Variants in CPM observed in about 807,000 individuals in gnomAD.
CPM encodes renal carboxypeptidase.
CPM carries 35 observed loss-of-function variants against 46.4 expected under a neutral mutation model. The observed-to-expected ratio is 0.75, with a 90% CI of 0.58 to 1.00. CPM has a LOEUF of 1.00. Ranked by LOEUF, CPM falls within the 50% of genes least tolerant of loss-of-function variation. The pLI, the probability that CPM is intolerant of heterozygous loss-of-function variation, is 0.00. For missense variants in CPM, 422 were observed against 530.4 expected, an observed-to-expected ratio of 0.80 and a Z score of 2.01; for synonymous variants, 195 against 195.3, an observed-to-expected ratio of 1.00 and a Z score of 0.01.
chr12:68,933,876 C>CAGG (rs949738115), upstream of CPM, among the ~76,000 whole-genome samples: 38 of 152,342 alleles, frequency 2.5e-4, no homozygotes, highest in African/African-American at 8.9e-4. Context: ...TCGAAGAAGG[C>CAGG]AGGACCACTG....
intron 2 of CPM, among the ~76,000 whole-genome samples, chr12:68,909,790 A>G (rs1887506133): frequency 1.4e-5 from 2 of 143,272 alleles, no homozygotes; most frequent in South Asian, 2.4e-4. Context: ...AACAACGAGA[A>G]CACATGGACA....
chr12:68,857,239 C>A (rs924717846), intron 8 of CPM, among the ~76,000 whole-genome samples: 1 of 151,318 alleles, frequency 6.6e-6, no homozygotes, highest in Admixed American at 6.6e-5. Flanking sequence ...TGGCTCATTG[C>A]AACCTCCGCC....
At position 68,908,945 on chromosome 12, in the gene CPM, C is replaced by T. The variant is rs574548916; in HGVS notation, c.161-23056G>A. On this transcript the variant is annotated intron_variant, in intron 2 of 8. Transcript: ENST00000551568. ...AATAGAAATGACCAATAGAGTTTAA[C>T]AGAAGTTCCACAGGGGCAGGGGTTT... Among the ~76,000 whole-genome samples the T allele has an allele frequency of 5.3e-5, 8 of 152,274 alleles. No individual in the cohort carries two copies. In the East Asian group the frequency reaches 1.3e-3, roughly 26 times the overall value.
intron 2 of CPM, among the ~76,000 whole-genome samples, chr12:68,888,414 C>T (rs867849434): frequency 2.0e-5 from 3 of 152,144 alleles, no homozygotes; most frequent in Non-Finnish European, 4.4e-5. Flanking sequence ...CCTTGAACAA[C>T]CTCAGTGACA....
At position 68,871,925 on chromosome 12, in the gene CPM, A is replaced by G. The variant is rs149301581; in HGVS notation, c.290T>C (p.Ile97Thr). Reference sequence around the variant, plus strand: ...GCCATCACTGGTTACGAGATAGTCAATCAGATGGAGCAGCAGCTCCCGCCC... The same window carrying G: ...GCCATCACTGGTTACGAGATAGTCAGTCAGATGGAGCAGCAGCTCCCGCCC... ...TVGRELLLHL[I>T]DYLVTSDGKD... The change falls in exon 4 of 9, where the codon ATT becomes ACT. Residue 97 changes from isoleucine to threonine, a missense_variant. Coordinates refer to ENST00000551568, the MANE Select transcript of CPM (RefSeq NM_198320.5). The G allele has an allele frequency of 1.9e-6, 3 of 1,614,052 alleles. No individual in the cohort carries two copies. Among genetic ancestry groups the G allele is most frequent in the African/African-American group, 2.7e-5 (2 of 74,918 alleles).
rs147343536 is a variant in CPM, at chr12:68,951,654, C to A, written c.-4+11515G>T. On this transcript the variant is annotated intron_variant, in intron 1 of 8. Transcript: ENST00000546373. The stretch of plus-strand genomic sequence containing the variant: ...CATATTGCAGATGCCAAGTGCTGGC[C>A]GTGCCAGCCCCCACCACCAGCGAGT... 1.8e-3 allele frequency among the ~76,000 whole-genome samples: 281 copies of A among 152,170 alleles called. 4 individuals carry two copies. The East Asian group carries it at 0.025, about 14-fold the overall frequency.
intron 2 of CPM, chr12:68,911,804 T>C (rs1334068568): frequency 6.6e-6 from 1 of 152,112 alleles, no homozygotes; most frequent in Non-Finnish European, 1.5e-5. Context: ...TAGGCACAGA[T>C]AGGGTAAGAC....
intron 2 of CPM, among the ~76,000 whole-genome samples, chr12:68,904,410 T>G (rs974467161): frequency 3.9e-5 from 6 of 152,202 alleles, no homozygotes; most frequent in South Asian, 4.1e-4. Context: ...ATAATGTGCA[T>G]CTATTTACCT....
intron 1 of CPM, among the ~76,000 whole-genome samples, chr12:68,958,294 T>C (rs1469051424): frequency 1.3e-5 from 2 of 152,168 alleles, no homozygotes; most frequent in Non-Finnish European, 2.9e-5. Flanking sequence ...TTGAACTAAT[T>C]TACACTCCCA....
intron 7 of CPM, 85 bp downstream of exon 7, chr12:68,866,811 A>G: frequency 8.7e-7 from 1 of 1,149,046 alleles, no homozygotes; most frequent in South Asian, 1.4e-5. Context: ...AAGCATAAAT[A>G]AAGGCTTGCG....
chr12:68,861,823 C>T lies in CPM; in HGVS notation c.941-2752G>A, dbSNP rs117269070. Among the ~76,000 whole-genome samples, 768 of 150,128 alleles carry T rather than the reference C, an allele frequency of 5.1e-3. 4 individuals are homozygous for T. The highest frequency in any genetic ancestry group is 0.011 in the Admixed American group (162 of 14,974). On this transcript the variant is annotated intron_variant, in intron 7 of 8. Coordinates refer to ENST00000551568, the MANE Select transcript of CPM (RefSeq NM_198320.5). Reference sequence around the variant, plus strand: ...GATTACAGGCGTGAGCCATCGCGCCCGGCTAACATTACACCATTCTTTAAC... The same window carrying T: ...GATTACAGGCGTGAGCCATCGCGCCTGGCTAACATTACACCATTCTTTAAC...
upstream of CPM, among the ~76,000 whole-genome samples, chr12:68,934,976 G>A (rs1888645916): frequency 1.3e-5 from 2 of 152,024 alleles, no homozygotes; most frequent in South Asian, 4.1e-4. Context: ...GCAATGGCAT[G>A]ATCTCGGCTC....
At position 68,872,972 on chromosome 12, in the gene CPM, GA is replaced by G. The variant is rs1299873989; in HGVS notation, c.259-1017del. Among the ~76,000 whole-genome samples, 4 of 152,132 alleles carry G rather than the reference GA, an allele frequency of 2.6e-5. No homozygotes were observed. The East Asian group carries it at 7.7e-4, about 29-fold the overall frequency. On this transcript the variant is annotated intron_variant, in intron 3 of 8. Coordinates refer to ENST00000551568, the MANE Select transcript of CPM (RefSeq NM_198320.5). The stretch of plus-strand genomic sequence containing the variant: ...AACTTGCTTTATAATCCCTCCCCAG[GA>G]GAGAGAGTCATTATTTTTCTTATTT...
intron 3 of CPM, among the ~76,000 whole-genome samples, chr12:68,883,081 G>A (rs1390855071): frequency 6.6e-6 from 1 of 152,106 alleles, no homozygotes; most frequent in Admixed American, 6.5e-5. Context: ...GGCCAATTCT[G>A]TCCACCCTGC....
chr12:68,876,916 GTGTGA>G (rs1555194752), intron 3 of CPM, among the ~76,000 whole-genome samples: 1 of 49,716 alleles, frequency 2.0e-5, no homozygotes, highest in Non-Finnish European at 6.9e-5. Context: ...GTGTGTGTGT[GTGTGA>G]GAGAGAGAGA....
At chr12:68,856,778 G>T in intron 8 of CPM, 99 bp from the exon 9 acceptor site, 2 of 1,451,370 alleles carry the variant, frequency 1.4e-6, no homozygotes, top group Non-Finnish European at 9.4e-7. Context: ...CAGCCTTTGT[G>T]CAATGCATGT....
At chr12:68,863,085 T>G (rs56076251) in intron 7 of CPM, among the ~76,000 whole-genome samples, 11,782 of 152,210 alleles carry the variant, frequency 0.077, 1,527 homozygotes, top group African/African-American at 0.27. Context: ...GGGACAGTAC[T>G]TAGGAGACTG....
At chr12:68,960,999 T>C (rs749464869) in intron 1 of CPM, among the ~76,000 whole-genome samples, 4 of 152,166 alleles carry the variant, frequency 2.6e-5, no homozygotes, top group Admixed American at 6.5e-5. Context: ...TTGGGGACTG[T>C]CATCCCCAGT....
chr12:68,915,375 C>T (rs1798471977), intron 2 of CPM, among the ~76,000 whole-genome samples: 1 of 152,200 alleles, frequency 6.6e-6, no homozygotes, highest in Admixed American at 6.5e-5. Flanking sequence ...CCTTGGCATA[C>T]AAGGCTTCTT....
Sources: allele counts gnomAD v4.1 joint callset (sites outside exome capture counted in the v4.1 genomes callset), GRCh38; gene constraint gnomAD v4.1.1; transcripts MANE v1.5; gene names NCBI Gene and HGNC (gene_info 2026-07-23, HGNC 2026-07-21).